Variants in CKAP2L observed in about 807,000 individuals in gnomAD.
CKAP2L encodes cytoskeleton-associated protein 2-like.
In CKAP2L, 42 loss-of-function variants were observed where a neutral mutation model predicts 65.7. That is an observed-to-expected ratio of 0.64 (90% CI 0.50 to 0.83). The LOEUF (loss-of-function observed/expected upper bound fraction) is 0.83. CKAP2L is among the 40% of genes least tolerant of loss of function. The pLI is 0.00. For synonymous variants in CKAP2L, 325 were observed against 313.5 expected, an observed-to-expected ratio of 1.04 and a Z score of -0.39; for missense variants, 908 against 871.0, an observed-to-expected ratio of 1.04 and a Z score of -0.53.
In CKAP2L at chr2:112,755,986, T is replaced by A. The variant is rs748992677; in HGVS notation, c.1385A>T (p.Glu462Val). Residue 462 changes from glutamate (E) to valine (V), a missense_variant, in exon 4 of 9, where the codon GAG becomes GTG. Glu to Val is a moderately radical substitution (Grantham distance 121). Transcript: ENST00000302450. The stretch of plus-strand genomic sequence containing the variant: ...AATTAAAGCAAAGTACCTTCGATCC[T>A]CTGCTGTTGCCTTCTTTTTAATATT... ...NPNIKKKATAEDRRKQLEEWQ... is the reference protein window; with the variant it reads ...NPNIKKKATAVDRRKQLEEWQ... The A allele has an allele frequency of 3.5e-5, 55 of 1,573,762 alleles. No individual in the cohort carries two copies. In the Admixed American group the frequency reaches 1.1e-3, roughly 31 times the overall value.
chr2:112,754,969 C>T (rs1680486852), intron 4 of CKAP2L, among the ~76,000 whole-genome samples: 1 of 152,206 alleles, frequency 6.6e-6, no homozygotes, highest in African/African-American at 2.4e-5. Flanking sequence ...GCCCTACTCT[C>T]TTGATCATAG....
At chr2:112,741,223 C>T (rs1679937353) in intron 7 of CKAP2L, among the ~76,000 whole-genome samples, 1 of 152,124 alleles carries the variant, frequency 6.6e-6, no homozygotes, top group South Asian at 2.1e-4. Flanking sequence ...ACCCTCGTAG[C>T]CAGCCCCCGA....
intron 5 of CKAP2L, 21 bp downstream of exon 5, chr2:112,752,244 AGG>A (rs1276589312): frequency 6.4e-7 from 1 of 1,561,610 alleles, no homozygotes; most frequent in Non-Finnish European, 8.8e-7. Context: ...CCAAAGCTGG[AGG>A]AGCTTATCTT....
chr2:112,757,150 A>G lies in CKAP2L; in HGVS notation c.221T>C (p.Ile74Thr). The change falls in exon 4 of 9, where the codon ATC becomes ACC. Residue 74 changes from isoleucine (I) to threonine (T), a missense_variant. Transcript: ENST00000302450. ...VVLPVKPKRS[I>T]SIKLQPRPPN... ...TGGTCTGGGCTGGAGTTTAATGCTG[A>G]TGGACCTTTTAGGTTTGACAGGCAA... The G allele has an allele frequency of 6.2e-7, 1 of 1,613,924 alleles. No individual in the cohort carries two copies. The highest frequency in any genetic ancestry group is 8.5e-7 in the Non-Finnish European group (1 of 1,179,896).
intron 3 of CKAP2L, among the ~76,000 whole-genome samples, chr2:112,760,512 C>T (rs1680685724): frequency 6.6e-6 from 1 of 152,160 alleles, no homozygotes; most frequent in Admixed American, 6.5e-5. Flanking sequence ...TGAGGCTTTT[C>T]TTGGTTAATA....
chr2:112,739,933 CA>C (rs1326979746), intron 8 of CKAP2L, among the ~76,000 whole-genome samples: 3 of 152,074 alleles, frequency 2.0e-5, no homozygotes, highest in Non-Finnish European at 4.4e-5. Flanking sequence ...GGATTACAGG[CA>C]TGAGCCACCA....
intron 4 of CKAP2L, among the ~76,000 whole-genome samples, chr2:112,753,540 T>TTC (rs1680444466): frequency 7.0e-6 from 1 of 143,356 alleles, no homozygotes; most frequent in Admixed American, 6.8e-5. Context: ...TTTTTTTTTT[T>TTC]TTTTTTTGAG....
rs1679304509 is a variant in CKAP2L at position 112,737,064 on chromosome 2, T to C, written c.*1759A>G. 6.6e-6 allele frequency: 1 copy of C among 152,150 alleles called. No individual in the cohort carries two copies. The highest frequency in any genetic ancestry group is 2.1e-4 in the South Asian group (1 of 4,830). The allele number at this position is 152,150 out of a possible 1,614,324, so 9.4% of individuals were successfully genotyped here. A position where few individuals can be genotyped will look rare whatever the true frequency, so the allele number is the denominator to read the frequency against. Reference sequence around the variant, plus strand: ...GCCTCAGCCTCCCAAGTAGCTGGGATTACAGGTGCCCGTCACCATGCCCGC... The same window carrying C: ...GCCTCAGCCTCCCAAGTAGCTGGGACTACAGGTGCCCGTCACCATGCCCGC... On this transcript the variant is annotated 3_prime_UTR_variant, in exon 9 of 9. Coordinates refer to ENST00000302450, the MANE Select transcript of CKAP2L (RefSeq NM_152515.5).
intron 5 of CKAP2L, among the ~76,000 whole-genome samples, chr2:112,750,791 TA>T (rs79847825): frequency 0.016 from 1,834 of 116,314 alleles, 26 homozygotes; most frequent in East Asian, 0.046. Context: ...AACATATTTA[TA>T]AAAAAAAAAA....
In CKAP2L at chr2:112,736,952, A is replaced by C. The variant is rs10203064; in HGVS notation, c.*1871T>G. 0.44 allele frequency: 66,621 copies of C among 151,220 alleles called. 14,638 individuals are homozygous for C. Among genetic ancestry groups the C allele is most frequent in the Middle Eastern group, 0.57 (168 of 294 alleles). 9.4% of individuals were successfully genotyped at this position (151,220 alleles called of 1,614,324 possible). A position where few individuals can be genotyped will look rare whatever the true frequency, so the allele number is the denominator to read the frequency against. On this transcript the variant is annotated 3_prime_UTR_variant, in exon 9 of 9. Transcript: ENST00000302450. Reference sequence around the variant, plus strand: ...TTCATCTTTTTTTTTTTTGAGATGGAGTCTTGCTCTGTAACCCAGGCTGGA... The same window carrying C: ...TTCATCTTTTTTTTTTTTGAGATGGCGTCTTGCTCTGTAACCCAGGCTGGA...
chr2:112,757,240 T>A, intron 3 of CKAP2L, 26 bp from the exon 4 acceptor site: 2 of 1,462,066 alleles, frequency 1.4e-6, no homozygotes, highest in Non-Finnish European at 1.9e-6. Context: ...AAATACATAT[T>A]AAAAAATCCT....
Position 112,742,746 on chromosome 2 carries a change from A to C in CKAP2L, c.1782T>G (p.Val594=). 6.2e-7 allele frequency: 1 copy of C among 1,609,466 alleles called. No individual in the cohort carries two copies. Among genetic ancestry groups the C allele is most frequent in the African/African-American group, 1.3e-5 (1 of 74,942 alleles). The part of the protein sequence containing the change: ...GATPIQELRK[V]VLNILQDSNR... ...TTGAGTCTTGCAAGATATTAAGAACAACTTTCCGCAACTCTTGTATTGGCT... is the reference window on the plus strand; with the variant it reads ...TTGAGTCTTGCAAGATATTAAGAACCACTTTCCGCAACTCTTGTATTGGCT... Residue 594 remains valine, a synonymous_variant, in exon 7 of 9, where the codon GTT becomes GTG. Transcript: ENST00000302450.
chr2:112,740,988 T>G lies in CKAP2L; in HGVS notation c.1842A>C (p.Leu614Phe), dbSNP rs754686161. 1 of 1,612,636 alleles carries G rather than the reference T, an allele frequency of 6.2e-7. No individual in the cohort carries two copies. The highest frequency in any genetic ancestry group is 8.5e-7 in the Non-Finnish European group (1 of 1,178,812). ...CTGATGTTATACTAGTTTCAGCAAC[T>G]AAAGAGTCAGAAGTAATCCCTGTGT... ...RTTEGITSDS[L>F]VAETSITSVE... Residue 614 changes from leucine to phenylalanine, a missense_variant, in exon 8 of 9, where the codon TTA becomes TTC. Transcript: ENST00000302450.
chr2:112,752,732 A>G (rs1294816612), intron 4 of CKAP2L, among the ~76,000 whole-genome samples: 1 of 152,160 alleles, frequency 6.6e-6, no homozygotes, highest in African/African-American at 2.4e-5. Context: ...GTGATTATGC[A>G]TTATTTTTCT....
chr2:112,740,689 C>T lies in CKAP2L; in HGVS notation c.2012+129G>A, dbSNP rs762897264. The T allele has an allele frequency of 1.6e-4, 112 of 717,050 alleles. 1 individual carries two copies. The highest frequency in any genetic ancestry group is 1.3e-3 in the Middle Eastern group (4 of 3,110). The allele number at this position is 717,050 out of a possible 1,614,324, so 44.4% of individuals were successfully genotyped here. A position where few individuals can be genotyped will look rare whatever the true frequency, so the allele number is the denominator to read the frequency against. On this transcript the variant is annotated intron_variant, in intron 8 of 8. Coordinates refer to ENST00000302450, the MANE Select transcript of CKAP2L (RefSeq NM_152515.5). ...CGGGGGTGAATGCATTCTAATACCCCTCCTGACTCTGGCAGCACCTTCCTC... is the reference window on the plus strand; with the variant it reads ...CGGGGGTGAATGCATTCTAATACCCTTCCTGACTCTGGCAGCACCTTCCTC...
rs1679315893 is a variant in CKAP2L, at chr2:112,737,129, G to C, written c.*1694C>G. The stretch of plus-strand genomic sequence containing the variant: ...TTTAGTAGAGACGGGGTTTCACCAT[G>C]TTGGTCAAGCTGGTCTTGAACTCCT... On this transcript the variant is annotated 3_prime_UTR_variant, in exon 9 of 9. Coordinates refer to ENST00000302450, the MANE Select transcript of CKAP2L (RefSeq NM_152515.5). 6.6e-6 allele frequency: 1 copy of C among 152,160 alleles called. No homozygotes were observed. The highest frequency in any genetic ancestry group is 1.5e-5 in the Non-Finnish European group (1 of 68,048). The allele number at this position is 152,160 out of a possible 1,614,324, so 9.4% of individuals were successfully genotyped here.
At position 112,752,441 on chromosome 2, in the gene CKAP2L, T is replaced by C; in HGVS notation, c.1428A>G (p.Gly476=). The C allele has an allele frequency of 3.1e-6, 5 of 1,610,118 alleles. No individual in the cohort carries two copies. The highest frequency in any genetic ancestry group is 3.4e-6 in the Non-Finnish European group (4 of 1,178,082). The change falls in exon 5 of 9, where the codon GGA becomes GGG. Residue 476 remains glycine (G), a synonymous_variant. Coordinates refer to ENST00000302450, the MANE Select transcript of CKAP2L (RefSeq NM_152515.5). The stretch of plus-strand genomic sequence containing the variant: ...CCATAGGAGGCCGTTTATAGGTTTT[T>C]CCCTTAGATTTCTGCCATTCTTCTA... ...KQLEEWQKSK[G]KTYKRPPMEL...
In CKAP2L at chr2:112,756,013, G is replaced by A; in HGVS notation, c.1358C>T (p.Pro453Leu). Reference sequence around the variant, plus strand: ...TGCTGTTGCCTTCTTTTTAATATTTGGGTTTGTTTGGGTCCCATTTACGGT... The same window carrying A: ...TGCTGTTGCCTTCTTTTTAATATTTAGGTTTGTTTGGGTCCCATTTACGGT... ...VTTVNGTQTN[P>L]NIKKKATAED... is the part of the protein sequence containing the mutation. Residue 453 changes from proline to leucine, a missense_variant, in exon 4 of 9, where the codon CCA becomes CTA. Pro to Leu is a moderately conservative substitution (Grantham distance 98). Coordinates refer to ENST00000302450, the MANE Select transcript of CKAP2L (RefSeq NM_152515.5). 6.3e-7 allele frequency: 1 copy of A among 1,594,742 alleles called. No homozygotes were observed. Among genetic ancestry groups the A allele is most frequent in the Non-Finnish European group, 8.5e-7 (1 of 1,173,352 alleles).
chr2:112,756,848 A>G lies in CKAP2L; in HGVS notation c.523T>C (p.Ser175Pro). The G allele has an allele frequency of 6.2e-7, 1 of 1,603,356 alleles. No homozygotes were observed. Among genetic ancestry groups the G allele is most frequent in the South Asian group, 1.1e-5 (1 of 88,650 alleles). The change falls in exon 4 of 9, where the codon TCT becomes CCT. Residue 175 changes from serine (S) to proline (P), a missense_variant. Coordinates refer to ENST00000302450, the MANE Select transcript of CKAP2L (RefSeq NM_152515.5). ...FMNNIHVENE[S>P]LDNFLKETNK... is the part of the protein sequence containing the mutation. ...GTTTCTTTTAGAAAGTTATCCAAAGATTCGTTTTCAACATGGATATTATTC... is the reference window on the plus strand; with the variant it reads ...GTTTCTTTTAGAAAGTTATCCAAAGGTTCGTTTTCAACATGGATATTATTC...
Sources: gnomAD v4.1 joint callset for allele counts (sites outside exome capture counted in the v4.1 genomes callset) on GRCh38, gnomAD v4.1.1 for gene constraint, MANE v1.5 for transcripts, NCBI Gene and HGNC (gene_info 2026-07-23, HGNC 2026-07-21) for gene names.